KDM6A: variants seen among roughly 807,000 people sequenced by gnomAD.
KDM6A encodes the protein lysine demethylase 6A, also known as lysine-specific demethylase 6A.
Under a neutral mutation model 117.6 loss-of-function variants are expected in KDM6A, and 11 were observed. That is an observed-to-expected ratio of 0.09 (90% CI 0.06 to 0.15). The LOEUF is 0.15. KDM6A is among the 10% of genes least tolerant of loss of function. KDM6A has a pLI of 1.00. For synonymous variants in KDM6A, 384 were observed against 396.1 expected, an observed-to-expected ratio of 0.97 and a Z score of 0.36; for missense variants, 799 against 1,077.3, an observed-to-expected ratio of 0.74 and a Z score of 3.62.
chrX:44,974,391 T>C (rs754136453), intron 3 of KDM6A, among the ~76,000 whole-genome samples: 1 of 111,583 alleles, frequency 9.0e-6, no homozygotes, highest in South Asian at 3.7e-4. Context: ...TCTTTTTATA[T>C]CTAACTCTCT....
intron 3 of KDM6A, among the ~76,000 whole-genome samples, chrX:44,973,626 A>C (rs758302001): frequency 1.8e-5 from 2 of 111,276 alleles, no homozygotes; most frequent in South Asian, 7.5e-4. Flanking sequence ...CTACCAAGTC[A>C]TAGCCTTCTT....
In KDM6A at chrX:45,017,477, C is replaced by T. The variant is rs181547568; in HGVS notation, c.444-3133C>T. 4.5e-5 allele frequency among the ~76,000 whole-genome samples: 5 copies of T among 111,075 alleles called. No homozygotes were observed. The Admixed American group carries it at 4.8e-4, about 11-fold the overall frequency. Reference sequence around the variant, plus strand: ...AACTCTAAACTCTTAACTCCAAATCCACCTTCCCTTGTACTTCCTTCTCCC... The same window carrying T: ...AACTCTAAACTCTTAACTCCAAATCTACCTTCCCTTGTACTTCCTTCTCCC... On this transcript the variant is annotated intron_variant, in intron 5 of 29. Transcript: ENST00000611820.
intron 5 of KDM6A, among the ~76,000 whole-genome samples, chrX:45,015,306 G>A (rs1343677633): frequency 9.1e-6 from 1 of 109,941 alleles, no homozygotes; most frequent in African/African-American, 3.3e-5. Context: ...GTAGAGATGA[G>A]GTCTCACTGT....
intron 2 of KDM6A, among the ~76,000 whole-genome samples, chrX:44,891,125 A>G (rs935042281): frequency 5.4e-5 from 6 of 110,920 alleles, no homozygotes; most frequent in African/African-American, 1.3e-4. Context: ...CGCTCGCTCT[A>G]TAACTTTGAA....
intron 8 of KDM6A, among the ~76,000 whole-genome samples, chrX:45,047,572 C>G (rs1440686452): frequency 2.0e-5 from 2 of 99,199 alleles, no homozygotes; most frequent in Admixed American, 1.1e-4. Flanking sequence ...CTGGAATTTC[C>G]TTTTGTTTCT....
chrX:44,880,243 T>C (rs534852032), intron 2 of KDM6A, among the ~76,000 whole-genome samples: 1 of 108,403 alleles, frequency 9.2e-6, no homozygotes, highest in African/African-American at 3.5e-5. Context: ...GTGTGTTCTG[T>C]CCTTCTTTGA....
chrX:44,876,446 A>AT (rs1365758401), intron 2 of KDM6A, among the ~76,000 whole-genome samples: 1 of 109,978 alleles, frequency 9.1e-6, no homozygotes, highest in African/African-American at 3.3e-5. Flanking sequence ...TTTTATTTTT[A>AT]TTTTTTGTGG....
chrX:44,964,889 A>G (rs931219241), intron 3 of KDM6A, among the ~76,000 whole-genome samples: 1 of 112,288 alleles, frequency 8.9e-6, no homozygotes, highest in African/African-American at 3.2e-5. Flanking sequence ...AAAGTCCTAC[A>G]TCTGAAAGTC....
At chrX:44,972,896 A>G (rs5905422) in intron 3 of KDM6A, among the ~76,000 whole-genome samples, 1,307 of 110,271 alleles carry the variant, frequency 0.012, 13 homozygotes, top group Non-Finnish European at 0.02. Flanking sequence ...TTAGCTGGGC[A>G]TGGTGGCACG....
At chrX:45,036,896 A>G (rs1052041083) in intron 7 of KDM6A, among the ~76,000 whole-genome samples, 1 of 113,059 alleles carries the variant, frequency 8.8e-6, no homozygotes, top group Non-Finnish European at 1.9e-5. Flanking sequence ...AAATGTCTGC[A>G]TAGGTAGGAT....
At chrX:44,921,656 C>T (rs377504425) in intron 2 of KDM6A, among the ~76,000 whole-genome samples, 1 of 111,414 alleles carries the variant, frequency 9.0e-6, no homozygotes, top group East Asian at 2.8e-4. Flanking sequence ...GCTCTTATTG[C>T]TGAGTTATAT....
chrX:44,920,596 G>A (rs1371971010), intron 2 of KDM6A, among the ~76,000 whole-genome samples: 2 of 109,009 alleles, frequency 1.8e-5, no homozygotes, highest in African/African-American at 3.3e-5. Context: ...CCGTCACCAC[G>A]CCTGGCTAAT....
chrX:44,956,928 G>A (rs2038365413), intron 2 of KDM6A, among the ~76,000 whole-genome samples: 1 of 110,018 alleles, frequency 9.1e-6, no homozygotes, highest in South Asian at 3.9e-4. Flanking sequence ...TCAGGAGTTC[G>A]AGACCAGCCT....
intron 2 of KDM6A, among the ~76,000 whole-genome samples, chrX:44,946,425 T>C (rs763623648): frequency 8.0e-5 from 9 of 111,835 alleles, no homozygotes; most frequent in Non-Finnish European, 1.5e-4. Flanking sequence ...AAAAACAAAT[T>C]TGATTTTTAG....
chrX:45,023,141 G>A (rs2042237495), intron 6 of KDM6A, among the ~76,000 whole-genome samples: 3 of 111,900 alleles, frequency 2.7e-5, no homozygotes. Flanking sequence ...CCCAGTCTTT[G>A]AGAATTGTTC....
chrX:44,937,069 T>C (rs1602261060), intron 2 of KDM6A, among the ~76,000 whole-genome samples: 1 of 111,443 alleles, frequency 9.0e-6, no homozygotes, highest in East Asian at 2.8e-4. Flanking sequence ...GATTTACTGA[T>C]ACTATCCTAG....
At chrX:44,888,960 A>G in intron 2 of KDM6A, among the ~76,000 whole-genome samples, 1 of 112,290 alleles carries the variant, frequency 8.9e-6, no homozygotes, top group Non-Finnish European at 1.9e-5. Context: ...GCCTAAGAGT[A>G]GCAAGAGTCG....
intron 2 of KDM6A, among the ~76,000 whole-genome samples, chrX:44,886,171 C>T (rs900379261): frequency 1.8e-5 from 2 of 108,947 alleles, no homozygotes; most frequent in Non-Finnish European, 3.8e-5. Context: ...GATTCTTCTG[C>T]CTCAGCCTCC....
intron 2 of KDM6A, among the ~76,000 whole-genome samples, chrX:44,947,258 G>A (rs907417986): frequency 2.7e-5 from 3 of 111,289 alleles, no homozygotes; most frequent in Non-Finnish European, 5.6e-5. Flanking sequence ...GAATGTGATA[G>A]TACTGTGTTT....
Sources: gnomAD v4.1 joint callset for allele counts (sites outside exome capture counted in the v4.1 genomes callset) on GRCh38, gnomAD v4.1.1 for gene constraint, MANE v1.5 for transcripts, NCBI Gene and HGNC (gene_info 2026-07-23, HGNC 2026-07-21) for gene names.